Variants in SMYD3 observed in about 807,000 individuals in gnomAD.
SMYD3 encodes histone-lysine N-methyltransferase SMYD3.
SMYD3 carries 36 observed loss-of-function variants against 57.7 expected under a neutral mutation model. The ratio of observed to expected loss-of-function variants is 0.62; its 90% CI spans 0.48 to 0.82. The LOEUF (loss-of-function observed/expected upper bound fraction) is 0.82. SMYD3 is among the 40% of genes least tolerant of loss of function. The probability of loss-of-function intolerance (pLI) is 0.00; values close to 1 mark genes in which losing one functional copy is unlikely to be tolerated. For missense variants in SMYD3, 515 were observed against 538.8 expected (o/e 0.96, Z 0.44); for synonymous variants, 211 against 195.0 (o/e 1.08, Z -0.68).
chr1:246,051,838 T>C (rs2060072506), intron 5 of SMYD3, among the ~76,000 whole-genome samples: 1 of 152,208 alleles, frequency 6.6e-6, no homozygotes, highest in Non-Finnish European at 1.5e-5. Context: ...TGAAACTGTA[T>C]GCTTACAAAA....
chr1:245,936,223 T>C (rs1017954610), intron 5 of SMYD3, among the ~76,000 whole-genome samples: 1 of 152,184 alleles, frequency 6.6e-6, no homozygotes, highest in Non-Finnish European at 1.5e-5. Context: ...GGAAAATACA[T>C]AAAATGATAA....
At chr1:246,147,731 C>G (rs933063216) in intron 5 of SMYD3, among the ~76,000 whole-genome samples, 1 of 151,954 alleles carries the variant, frequency 6.6e-6, no homozygotes, top group Non-Finnish European at 1.5e-5. Context: ...GATCTGCCCT[C>G]CAGGGTAGAG....
In SMYD3 at chr1:245,827,541, G is replaced by A. The variant is rs114322331; in HGVS notation, c.1076+30955C>T. Among the ~76,000 whole-genome samples, 1,090 of 152,182 alleles carry A rather than the reference G, an allele frequency of 7.2e-3. 10 individuals are homozygous for A. Among genetic ancestry groups the A allele is most frequent in the African/African-American group, 0.024 (1,014 of 41,522 alleles). ...TCCAGACAGTAAAATCCTCCCACACGCACTCCCGGTATTTCGCTTCTCCTT... is the reference window on the plus strand; with the variant it reads ...TCCAGACAGTAAAATCCTCCCACACACACTCCCGGTATTTCGCTTCTCCTT... On this transcript the variant is annotated intron_variant, in intron 10 of 11. Transcript: ENST00000490107.
At chr1:245,928,229 T>C (rs6669866) in intron 6 of SMYD3, among the ~76,000 whole-genome samples, 196 bp from the exon 7 acceptor site, 150,550 of 152,208 alleles carry the variant, frequency 0.99, 74,477 homozygotes, top group East Asian at 1. Context: ...GCAATTCTCC[T>C]CAAGATGCAG....
At chr1:245,967,694 G>C (rs766533492) in intron 5 of SMYD3, among the ~76,000 whole-genome samples, 3 of 152,204 alleles carry the variant, frequency 2.0e-5, no homozygotes, top group Non-Finnish European at 4.4e-5. Context: ...CCTCAGACCA[G>C]AGGGCAGACA....
At chr1:245,827,103 C>T (rs906802968) in intron 10 of SMYD3, among the ~76,000 whole-genome samples, 7 of 152,206 alleles carry the variant, frequency 4.6e-5, no homozygotes, top group East Asian at 1.9e-4. Context: ...GCCTCTCACA[C>T]GTTTTCACAG....
chr1:246,120,497 G>T (rs1344678073), intron 5 of SMYD3, among the ~76,000 whole-genome samples: 2 of 152,036 alleles, frequency 1.3e-5, no homozygotes, highest in African/African-American at 2.4e-5. Context: ...CTCCTCTTCA[G>T]TCTTTCTCCT....
chr1:246,461,474 G>C (rs1373381803), intron 1 of SMYD3, among the ~76,000 whole-genome samples: 1 of 151,938 alleles, frequency 6.6e-6, no homozygotes, highest in Non-Finnish European at 1.5e-5. Context: ...TCATAAACAT[G>C]TTTCTATAGA....
chr1:246,040,104 C>T (rs1174384490), intron 5 of SMYD3, among the ~76,000 whole-genome samples: 1 of 152,222 alleles, frequency 6.6e-6, no homozygotes, highest in Non-Finnish European at 1.5e-5. Context: ...AAGATCCTAT[C>T]ATGAAACAGA....
At chr1:246,158,246 C>T (rs1293141061) in intron 5 of SMYD3, among the ~76,000 whole-genome samples, 2 of 152,186 alleles carry the variant, frequency 1.3e-5, no homozygotes, top group Admixed American at 6.5e-5. Flanking sequence ...GAAACAGCTC[C>T]GTTGGTTTGT....
intron 5 of SMYD3, among the ~76,000 whole-genome samples, chr1:246,254,617 G>T (rs12117700): frequency 6.6e-6 from 1 of 151,884 alleles, no homozygotes; most frequent in Admixed American, 6.6e-5. Flanking sequence ...TTGGCTACTT[G>T]GACTCTTTTT....
intron 5 of SMYD3, among the ~76,000 whole-genome samples, chr1:246,140,395 C>T (rs2061733912): frequency 6.6e-6 from 1 of 152,100 alleles, no homozygotes; most frequent in Non-Finnish European, 1.5e-5. Flanking sequence ...CACTTTCTAG[C>T]AACAATATAA....
intron 5 of SMYD3, among the ~76,000 whole-genome samples, chr1:246,093,576 G>C (rs2060858609): frequency 6.6e-6 from 1 of 152,194 alleles, no homozygotes; most frequent in Non-Finnish European, 1.5e-5. Flanking sequence ...ATTTGAGGTA[G>C]AGAGTAGAGG....
chr1:246,041,187 C>A (rs2059865801), intron 5 of SMYD3, among the ~76,000 whole-genome samples: 1 of 152,138 alleles, frequency 6.6e-6, no homozygotes, highest in Admixed American at 6.5e-5. Context: ...TGGGCTATAC[C>A]ATCCAGGTCT....
intron 5 of SMYD3, among the ~76,000 whole-genome samples, chr1:246,269,419 T>C (rs1572312369): frequency 6.6e-6 from 1 of 152,208 alleles, no homozygotes; most frequent in East Asian, 1.9e-4. Context: ...CTGGTGGTGA[T>C]AGAACCACGA....
chr1:246,146,853 A>G (rs1292291702), intron 5 of SMYD3, among the ~76,000 whole-genome samples: 1 of 151,850 alleles, frequency 6.6e-6, no homozygotes, highest in Non-Finnish European at 1.5e-5. Context: ...AATTTCAAGA[A>G]CTCTCCAAAC....
At chr1:246,110,638 G>C (rs558979540) in intron 5 of SMYD3, among the ~76,000 whole-genome samples, 3 of 152,196 alleles carry the variant, frequency 2.0e-5, no homozygotes, top group Admixed American at 2.0e-4. Context: ...CTTTCTTTGG[G>C]TGCAAGCACG....
chr1:246,436,892 G>GTTTC (rs1179260908), intron 1 of SMYD3, among the ~76,000 whole-genome samples: 14 of 131,682 alleles, frequency 1.1e-4, no homozygotes, highest in African/African-American at 1.2e-4. Context: ...TCCTGCCAGA[G>GTTTC]TTTCTTTCTT....
chr1:246,150,707 G>A (rs1459819189), intron 5 of SMYD3, among the ~76,000 whole-genome samples: 2 of 152,198 alleles, frequency 1.3e-5, no homozygotes, highest in Non-Finnish European at 1.5e-5. Flanking sequence ...TGGCCCAGCC[G>A]TGGAAGTCCA....
Sources: allele counts gnomAD v4.1 joint callset (sites outside exome capture counted in the v4.1 genomes callset), GRCh38; gene constraint gnomAD v4.1.1; transcripts MANE v1.5; gene names NCBI Gene and HGNC (gene_info 2026-07-23, HGNC 2026-07-21).